Variants in ATP8B4 observed in about 807,000 individuals in gnomAD.
The protein encoded by ATP8B4 is probable phospholipid-transporting ATPase IM.
A neutral mutation model predicts 145.6 loss-of-function variants in ATP8B4; 133 were observed. The ratio of observed to expected loss-of-function variants is 0.91; its 90% CI spans 0.79 to 1.05. The LOEUF (loss-of-function observed/expected upper bound fraction) is 1.05, where lower values mean the gene tolerates loss of function less well. Among genes scored for constraint, ATP8B4 ranks in the 50% least tolerant of loss-of-function variants. The probability of loss-of-function intolerance (pLI) is 0.00; values close to 1 mark genes in which losing one functional copy is unlikely to be tolerated. For synonymous variants in ATP8B4, 507 were observed against 492.9 expected, an observed-to-expected ratio of 1.03 and a Z score of -0.38; for missense variants, 1,458 against 1,425.2, an observed-to-expected ratio of 1.02 and a Z score of -0.37.
chr15:49,925,404 A>G (rs1599178494), intron 16 of ATP8B4, among the ~76,000 whole-genome samples: 2 of 152,158 alleles, frequency 1.3e-5, no homozygotes, highest in South Asian at 4.1e-4. Flanking sequence ...GCAAAACTCC[A>G]TGGTATACTC....
chr15:50,052,407 G>A (rs1000959275), intron 3 of ATP8B4, among the ~76,000 whole-genome samples: 11 of 152,370 alleles, frequency 7.2e-5, no homozygotes, highest in Non-Finnish European at 1.5e-4. Context: ...CCATGATGAG[G>A]TAGGCTTGGG....
chr15:49,974,298 A>T (rs1400063975), intron 12 of ATP8B4, among the ~76,000 whole-genome samples: 1 of 151,520 alleles, frequency 6.6e-6, no homozygotes, highest in African/African-American at 2.4e-5. Context: ...TACTCGAACT[A>T]CTTGAGTACT....
intron 6 of ATP8B4, among the ~76,000 whole-genome samples, chr15:50,037,440 T>G (rs2050923042): frequency 6.6e-6 from 1 of 152,152 alleles, no homozygotes; most frequent in African/African-American, 2.4e-5. Context: ...TACAAGACAC[T>G]GGGCCAAGCA....
chr15:49,865,855 A>C (rs2032705051), intron 26 of ATP8B4, among the ~76,000 whole-genome samples: 1 of 152,028 alleles, frequency 6.6e-6, no homozygotes, highest in Non-Finnish European at 1.5e-5. Context: ...TACAAAGCCT[A>C]CTCCTCATGC....
At chr15:50,052,558 C>T (rs895463900) in intron 3 of ATP8B4, among the ~76,000 whole-genome samples, 1 of 152,170 alleles carries the variant, frequency 6.6e-6, no homozygotes, top group Non-Finnish European at 1.5e-5. Flanking sequence ...TGAGCTGAGG[C>T]CCATTATTCC....
At chr15:49,967,616 C>G (rs7164800) in intron 13 of ATP8B4, among the ~76,000 whole-genome samples, 92,344 of 152,002 alleles carry the variant, frequency 0.61, 30,615 homozygotes, top group African/African-American at 0.88. Context: ...AAGAAATATG[C>G]GACTATGTGA....
chr15:50,115,370 T>C (rs2057132709), intron 1 of ATP8B4, among the ~76,000 whole-genome samples: 1 of 151,494 alleles, frequency 6.6e-6, no homozygotes, highest in Admixed American at 6.6e-5. Flanking sequence ...TAAAAAAGGA[T>C]GATGAGTGCA....
chr15:49,934,668 A>G (rs1477927265), intron 14 of ATP8B4, among the ~76,000 whole-genome samples: 1 of 152,104 alleles, frequency 6.6e-6, no homozygotes, highest in Non-Finnish European at 1.5e-5. Flanking sequence ...ACTTTCTCAG[A>G]TGTCACTGGA....
At position 50,164,113 on chromosome 15, in the gene ATP8B4, C is replaced by T. The variant is rs138740197; in HGVS notation, c.-43+18148G>A. Among the ~76,000 whole-genome samples, 1,018 of 152,260 alleles carry T rather than the reference C, an allele frequency of 6.7e-3. 11 individuals are homozygous for T. Among genetic ancestry groups the T allele is most frequent in the African/African-American group, 0.023 (973 of 41,534 alleles). On this transcript the variant is annotated intron_variant, in intron 1 of 3. Coordinates refer to the ATP8B4 transcript ENST00000558829. The stretch of plus-strand genomic sequence containing the variant: ...TCAGGGACCCCAGGAGCCTGCTTGG[C>T]GCTCTATCCCCACTGTGGCTGAGCT...
intron 3 of ATP8B4, among the ~76,000 whole-genome samples, chr15:50,069,346 G>T (rs8025221): frequency 0.21 from 31,462 of 152,066 alleles, 4,298 homozygotes; most frequent in African/African-American, 0.38. Flanking sequence ...AAACCTGTGC[G>T]ATGTCCTATA....
At position 50,044,654 on chromosome 15, in the gene ATP8B4, G is replaced by C; in HGVS notation, c.240C>G (p.Thr80=). 6.2e-7 allele frequency: 1 copy of C among 1,613,254 alleles called. No individual in the cohort carries two copies. The highest frequency in any genetic ancestry group is 1.1e-5 in the South Asian group (1 of 90,974). The change falls in exon 5 of 28, where the codon ACC becomes ACG. Residue 80 remains threonine (T), a synonymous_variant. Transcript: ENST00000284509. ...TTATCACCAGGACCAAAGGCACAAT[G>C]GTGGTAAACCAGGTCAAGGAGGAAA... ...PEISSLTWFT[T]IVPLVLVITM...
chr15:50,148,330 C>G (rs75637446), intron 1 of ATP8B4, among the ~76,000 whole-genome samples: 9,935 of 152,132 alleles, frequency 0.065, 429 homozygotes, highest in Middle Eastern at 0.095. Context: ...AATCTGTAAT[C>G]TAGATTGGCT....
intron 1 of ATP8B4, among the ~76,000 whole-genome samples, chr15:50,108,810 G>A (rs1040615372): frequency 5.3e-5 from 8 of 152,002 alleles, no homozygotes; most frequent in African/African-American, 1.4e-4. Context: ...CTATTATATC[G>A]GCTATTTCCC....
intron 2 of ATP8B4, among the ~76,000 whole-genome samples, chr15:50,100,544 T>C (rs2056288756): frequency 6.6e-6 from 1 of 152,156 alleles, no homozygotes. Context: ...GTTTGTGGAG[T>C]GACTAAATAA....
chr15:50,022,643 C>T lies in ATP8B4; in HGVS notation c.363-11726G>A, dbSNP rs559660939. On this transcript the variant is annotated intron_variant, in intron 6 of 27. Transcript: ENST00000284509. ...TAGAGTGTAAGCAGGAACTGCGACA[C>T]GCTCCCCTGGCCCAACCTATGACAT... Among the ~76,000 whole-genome samples, 9 of 152,294 alleles carry T rather than the reference C, an allele frequency of 5.9e-5. No homozygotes were observed. In the South Asian group the frequency reaches 6.2e-4, roughly 11 times the overall value.
At chr15:49,899,229 A>G (rs1214909437) in intron 21 of ATP8B4, among the ~76,000 whole-genome samples, 1 of 152,078 alleles carries the variant, frequency 6.6e-6, no homozygotes, top group Non-Finnish European at 1.5e-5. Context: ...CTCTACTTGA[A>G]AATATCACTC....
Position 49,979,806 on chromosome 15 carries a change from C to T in ATP8B4, c.845G>A (p.Gly282Glu), listed in dbSNP as rs774241042. The T allele has an allele frequency of 6.3e-7, 1 of 1,576,442 alleles. No individual in the cohort carries two copies. Among genetic ancestry groups the T allele is most frequent in the South Asian group, 1.1e-5 (1 of 87,312 alleles). Reference sequence around the variant, plus strand: ...AATAATTCCCAAGCATATCAGAAACCCAAAAATCTGAAATAAGATAGAAGT... The same window carrying T: ...AATAATTCCCAAGCATATCAGAAACTCAAAAATCTGAAATAAGATAGAAGT... The part of the protein sequence containing the change: ...LMNTLVLWIF[G>E]FLICLGIILA... Residue 282 changes from glycine to glutamate, a missense_variant, in exon 12 of 28, where the codon GGG (glycine) becomes GAG (glutamate). By Grantham distance (98) the Gly-to-Glu change is moderately conservative. Coordinates refer to ENST00000284509, the MANE Select transcript of ATP8B4 (RefSeq NM_024837.4).
chr15:49,864,480 G>T (rs2032433564), intron 26 of ATP8B4, among the ~76,000 whole-genome samples: 8 of 152,136 alleles, frequency 5.3e-5, no homozygotes, highest in Admixed American at 5.2e-4. Flanking sequence ...GATGAACTCG[G>T]TTAGCAGCTT....
At chr15:50,130,320 T>C (rs1384608357) in intron 1 of ATP8B4, among the ~76,000 whole-genome samples, 2 of 152,160 alleles carry the variant, frequency 1.3e-5, no homozygotes, top group African/African-American at 4.8e-5. Context: ...GGGTCTCTAA[T>C]ACCTGAGGGT....
Sources: gnomAD v4.1 joint callset for allele counts (sites outside exome capture counted in the v4.1 genomes callset) on GRCh38, gnomAD v4.1.1 for gene constraint, MANE v1.5 for transcripts, NCBI Gene and HGNC (gene_info 2026-07-23, HGNC 2026-07-21) for gene names.